Variants in JMJD1C observed in about 807,000 individuals in gnomAD.
JMJD1C encodes jumonji domain containing 1C.
Under a neutral mutation model 245.3 loss-of-function variants are expected in JMJD1C, and 31 were observed. That is an observed-to-expected ratio of 0.13 (90% CI 0.09 to 0.17). The LOEUF (loss-of-function observed/expected upper bound fraction) is 0.17, where lower values mean the gene tolerates loss of function less well. JMJD1C is among the 10% of genes least tolerant of loss of function. The pLI, the probability that JMJD1C is intolerant of heterozygous loss-of-function variation, is 1.00. For synonymous variants in JMJD1C, 1,057 were observed against 1,017.4 expected, an observed-to-expected ratio of 1.04 and a Z score of -0.74; for missense variants, 2,691 against 3,000.2, an observed-to-expected ratio of 0.90 and a Z score of 2.41.
At chr10:63,189,142 G>A in intron 18 of JMJD1C, 26 bp downstream of exon 18, 1 of 1,567,156 alleles carries the variant, frequency 6.4e-7, no homozygotes, top group Non-Finnish European at 8.6e-7. Context: ...CACCAAGAGT[G>A]TTCTTTATCA....
intron 3 of JMJD1C, 52 bp from the exon 4 acceptor site, chr10:63,220,035 T>C (rs1367118107): frequency 1.5e-6 from 2 of 1,332,788 alleles, no homozygotes; most frequent in South Asian, 1.3e-5. Flanking sequence ...CTACCATTAA[T>C]GTTACCGACT....
At chr10:63,290,844 A>G (rs1858584407) in intron 2 of JMJD1C, among the ~76,000 whole-genome samples, 1 of 152,078 alleles carries the variant, frequency 6.6e-6, no homozygotes. Context: ...TCATGAAGAA[A>G]GTAACGACAA....
At chr10:63,321,748 A>G (rs1940894536) in intron 2 of JMJD1C, among the ~76,000 whole-genome samples, 1 of 152,198 alleles carries the variant, frequency 6.6e-6, no homozygotes, top group African/African-American at 2.4e-5. Flanking sequence ...ATACTTTACA[A>G]GTGTACGCGA....
intron 1 of JMJD1C, among the ~76,000 whole-genome samples, chr10:63,394,649 A>G (rs1321860905): frequency 6.6e-6 from 1 of 152,004 alleles, no homozygotes; most frequent in Non-Finnish European, 1.5e-5. Context: ...GTTCGAGACC[A>G]GCCTAACCAA....
intron 2 of JMJD1C, among the ~76,000 whole-genome samples, chr10:63,321,239 A>C (rs998513556): frequency 9.2e-5 from 14 of 152,202 alleles, no homozygotes; most frequent in African/African-American, 3.1e-4. Flanking sequence ...ATAATAAGTA[A>C]AGTGTTTCTC....
rs1847830737 is a variant in JMJD1C, at chr10:63,215,135, T to A, written c.1032A>T (p.Lys344Asn). Residue 344 changes from lysine (K) to asparagine (N), a missense_variant, in exon 8 of 26, where the codon AAA (lysine) becomes AAT (asparagine). Physicochemically the swap from Lys to Asn is moderately conservative, Grantham distance 94. Coordinates refer to ENST00000399262, the MANE Select transcript of JMJD1C (RefSeq NM_032776.3). ...TTCTTTTATTCATCAAGTGTTTGTT[T>A]TTACCTTTAGGATTTTCTGTAGGAT... The part of the protein sequence containing the change: ...YISRGENPKG[K>N]NKHLMNKRRK... The A allele has an allele frequency of 1.3e-6, 2 of 1,560,172 alleles. No individual in the cohort carries two copies. Among genetic ancestry groups the A allele is most frequent in the African/African-American group, 2.8e-5 (2 of 72,222 alleles).
chr10:63,509,632 T>C (rs991101899), intron 1 of JMJD1C, among the ~76,000 whole-genome samples: 2 of 152,222 alleles, frequency 1.3e-5, no homozygotes, highest in Non-Finnish European at 2.9e-5. Flanking sequence ...GTGTGACTTT[T>C]GGCAGATTGT....
intron 2 of JMJD1C, among the ~76,000 whole-genome samples, chr10:63,291,341 G>A (rs1033225713): frequency 1.5e-4 from 22 of 146,614 alleles, no homozygotes; most frequent in African/African-American, 4.8e-4. Flanking sequence ...AAAGGGCTGG[G>A]CGAGGTGGCT....
chr10:63,190,402 C>T (rs1181507333), intron 17 of JMJD1C, among the ~76,000 whole-genome samples: 1 of 151,940 alleles, frequency 6.6e-6, no homozygotes, highest in Non-Finnish European at 1.5e-5. Context: ...CAAGGTTTCA[C>T]CATCTTGGCC....
At chr10:63,343,734 T>A (rs1281915613) in intron 2 of JMJD1C, among the ~76,000 whole-genome samples, 1 of 152,094 alleles carries the variant, frequency 6.6e-6, no homozygotes, top group African/African-American at 2.4e-5. Context: ...TGCAATTATT[T>A]TTAAAAAAAA....
At chr10:63,237,268 C>T (rs993905212) in intron 3 of JMJD1C, among the ~76,000 whole-genome samples, 11 of 152,164 alleles carry the variant, frequency 7.2e-5, no homozygotes, top group African/African-American at 2.4e-4. Flanking sequence ...AAACTCCTGA[C>T]CTCCGGTGAT....
intron 3 of JMJD1C, among the ~76,000 whole-genome samples, chr10:63,256,116 C>T (rs1205613952): frequency 6.6e-6 from 1 of 152,128 alleles, no homozygotes; most frequent in Non-Finnish European, 1.5e-5. Context: ...ATGATCACAG[C>T]AGATTTGGGA....
intron 1 of JMJD1C, among the ~76,000 whole-genome samples, chr10:63,471,327 A>T (rs190519174): frequency 1.8e-4 from 28 of 152,330 alleles, no homozygotes; most frequent in African/African-American, 6.0e-4. Flanking sequence ...AAAAAGTAAT[A>T]CCAACTCAAA....
At chr10:63,204,608 T>G in intron 10 of JMJD1C, 12 of 985,284 alleles carry the variant, frequency 1.2e-5, no homozygotes, top group Non-Finnish European at 1.3e-5. Flanking sequence ...TATGAATTCA[T>G]GGGGGTAGTG....
rs548291010 is a variant in JMJD1C at position 63,375,252 on chromosome 10, T to C, written c.333+5066A>G. ...CCCAGGCTGGAGTGCCCTGGTGCAA[T>C]CATAGCTCACTGCAGCCTTGAATTT... is the stretch of plus-strand genomic sequence containing the variant. On this transcript the variant is annotated intron_variant, in intron 2 of 25. Coordinates refer to ENST00000399262, the MANE Select transcript of JMJD1C (RefSeq NM_032776.3). Among the ~76,000 whole-genome samples, 3 of 139,598 alleles carry C rather than the reference T, an allele frequency of 2.1e-5. No individual in the cohort carries two copies. The South Asian group carries it at 7.3e-4, about 34-fold the overall frequency. 91.6% of individuals were successfully genotyped at this position (139,598 alleles called of 152,430 possible). A position where few individuals can be genotyped will look rare whatever the true frequency, so the allele number is the denominator to read the frequency against.
intron 1 of JMJD1C, among the ~76,000 whole-genome samples, chr10:63,388,821 C>T (rs949935444): frequency 3.3e-5 from 5 of 151,982 alleles, no homozygotes; most frequent in Non-Finnish European, 5.9e-5. Context: ...TACATATAAA[C>T]TGAAAGTAAA....
intron 1 of JMJD1C, among the ~76,000 whole-genome samples, chr10:63,506,925 C>A (rs559470883): frequency 5.6e-5 from 8 of 143,262 alleles, no homozygotes; most frequent in Non-Finnish European, 1.2e-4. Context: ...TGATTATTCA[C>A]CCCTCTCTCC....
At chr10:63,485,097 T>C (rs946175858) in intron 1 of JMJD1C, among the ~76,000 whole-genome samples, 3 of 151,310 alleles carry the variant, frequency 2.0e-5, no homozygotes, top group African/African-American at 7.3e-5. Context: ...ATAATTTATT[T>C]ATAAATTAAA....
chr10:63,383,642 A>G (rs1947378116), intron 1 of JMJD1C, among the ~76,000 whole-genome samples: 1 of 152,004 alleles, frequency 6.6e-6, no homozygotes, highest in African/African-American at 2.4e-5. Context: ...TGAGGCTGCA[A>G]TGAGCCATGA....
Sources: allele counts gnomAD v4.1 joint callset (sites outside exome capture counted in the v4.1 genomes callset), GRCh38; gene constraint gnomAD v4.1.1; transcripts MANE v1.5; gene names NCBI Gene and HGNC (gene_info 2026-07-23, HGNC 2026-07-21).